DPF3: variants seen among roughly 807,000 people sequenced by gnomAD.
DPF3 encodes double PHD fingers 3.
A neutral mutation model predicts 56.8 loss-of-function variants in DPF3; 18 were observed. That is an observed-to-expected ratio of 0.32 (90% CI 0.22 to 0.47). The LOEUF is 0.47. Among genes scored for constraint, DPF3 ranks in the 20% least tolerant of loss-of-function variants. The pLI, the probability that DPF3 is intolerant of heterozygous loss-of-function variation, is 1.00. For synonymous variants in DPF3, 188 were observed against 180.2 expected, an observed-to-expected ratio of 1.04 and a Z score of -0.35; for missense variants, 403 against 488.8, an observed-to-expected ratio of 0.82 and a Z score of 1.65.
intron 1 of DPF3, among the ~76,000 whole-genome samples, chr14:72,782,453 G>T (rs993885223): frequency 6.6e-6 from 1 of 152,104 alleles, no homozygotes; most frequent in Non-Finnish European, 1.5e-5. Flanking sequence ...TGGAACTCCG[G>T]GGCTCAAGCA....
At chr14:72,697,542 G>A (rs1388317502) in intron 6 of DPF3, among the ~76,000 whole-genome samples, 1 of 152,208 alleles carries the variant, frequency 6.6e-6, no homozygotes, top group East Asian at 1.9e-4. Context: ...AGTTGAAGAG[G>A]TGGAGCGGTG....
rs148565932 is a variant in DPF3, at chr14:72,737,227, A to G, written c.302-5293T>C. Among the ~76,000 whole-genome samples the G allele has an allele frequency of 5.6e-3, 846 of 152,040 alleles. 10 individuals are homozygous for G. Among genetic ancestry groups the G allele is most frequent in the African/African-American group, 0.02 (814 of 41,498 alleles). On this transcript the variant is annotated intron_variant, in intron 3 of 10. Coordinates refer to ENST00000556509, the MANE Select transcript of DPF3 (RefSeq NM_001280542.3). ...CAAACAAACAAAAAAAACCACACAC[A>G]CACACAGAAATTTCCAGCAAAGAGC...
chr14:72,747,166 A>G (rs1189978719), intron 3 of DPF3, among the ~76,000 whole-genome samples: 2 of 152,100 alleles, frequency 1.3e-5, no homozygotes, highest in Admixed American at 1.3e-4. Flanking sequence ...TGGGCTCACA[A>G]CCCTCTTACC....
At chr14:72,859,163 A>G (rs1599501289) in intron 1 of DPF3, among the ~76,000 whole-genome samples, 1 of 152,174 alleles carries the variant, frequency 6.6e-6, no homozygotes, top group South Asian at 2.1e-4. Flanking sequence ...AGTAATCTCT[A>G]GTGTGAGAGG....
chr14:72,876,628 G>A (rs1886126402), intron 1 of DPF3, among the ~76,000 whole-genome samples: 1 of 152,102 alleles, frequency 6.6e-6, no homozygotes. Context: ...GAAAGGAAGG[G>A]TGTCCCCAAA....
At chr14:72,788,360 G>A (rs751809892) in intron 1 of DPF3, among the ~76,000 whole-genome samples, 7 of 152,116 alleles carry the variant, frequency 4.6e-5, no homozygotes, top group Non-Finnish European at 8.8e-5. Flanking sequence ...GGTCTGTGGG[G>A]AGGAGGGCCG....
chr14:72,676,806 T>C (rs572644763), intron 7 of DPF3, among the ~76,000 whole-genome samples: 1 of 152,304 alleles, frequency 6.6e-6, no homozygotes, highest in Admixed American at 6.5e-5. Flanking sequence ...TCTCTTTGTC[T>C]TTATAAATCA....
chr14:72,680,501 G>A (rs1031233026), intron 7 of DPF3, among the ~76,000 whole-genome samples: 1 of 152,244 alleles, frequency 6.6e-6, no homozygotes, highest in Non-Finnish European at 1.5e-5. Context: ...CAGAGCCCTC[G>A]ACGGCAGAGA....
chr14:72,635,483 T>C (rs11848135), intron 8 of DPF3, among the ~76,000 whole-genome samples: 6,828 of 152,234 alleles, frequency 0.045, 536 homozygotes, highest in African/African-American at 0.16. Context: ...CAGATAAATA[T>C]CCAGGCAAAA....
chr14:72,766,139 T>C (rs1053140788), intron 2 of DPF3, among the ~76,000 whole-genome samples: 1 of 152,226 alleles, frequency 6.6e-6, no homozygotes, highest in Non-Finnish European at 1.5e-5. Context: ...GCTGGACACA[T>C]TAAGTATGTG....
chr14:72,884,971 T>TATATATATATACATATATA (rs10523148), intron 1 of DPF3, among the ~76,000 whole-genome samples: 1 of 111,686 alleles, frequency 9.0e-6, no homozygotes, highest in South Asian at 3.0e-4. Flanking sequence ...TATATATATA[T>TATATATATATACATATATA]TAGCCGGGCG....
chr14:72,655,515 T>C (rs1348772818), intron 8 of DPF3, among the ~76,000 whole-genome samples: 1 of 152,234 alleles, frequency 6.6e-6, no homozygotes, highest in Non-Finnish European at 1.5e-5. Flanking sequence ...GGAATTCAGA[T>C]GGAGTTTCAG....
chr14:72,730,164 G>C (rs562381759), intron 4 of DPF3, among the ~76,000 whole-genome samples: 27 of 152,174 alleles, frequency 1.8e-4, no homozygotes, highest in African/African-American at 6.5e-4. Context: ...CAAAAGATGA[G>C]AGCAGCTTGG....
intron 3 of DPF3, among the ~76,000 whole-genome samples, chr14:72,737,266 C>T (rs1489854816): frequency 1.3e-5 from 2 of 152,004 alleles, no homozygotes; most frequent in African/African-American, 2.4e-5. Flanking sequence ...GGCTTCTTCT[C>T]TTTAGGGCTA....
At chr14:72,723,003 TTCTTTTTTTTTTTATAG>T (rs1175182716) in intron 5 of DPF3, among the ~76,000 whole-genome samples, 2 of 151,460 alleles carry the variant, frequency 1.3e-5, no homozygotes, top group Non-Finnish European at 2.9e-5. Context: ...CCCGGCAAAC[TTCTTTTTTTTTTTATAG>T]TCATGATTAT....
intron 1 of DPF3, among the ~76,000 whole-genome samples, chr14:72,811,905 T>C (rs1883062702): frequency 6.6e-6 from 1 of 152,020 alleles, no homozygotes; most frequent in Non-Finnish European, 1.5e-5. Context: ...CACCCAGCCC[T>C]GGAGCGGCAG....
At chr14:72,832,735 C>G (rs1356302883) in intron 1 of DPF3, among the ~76,000 whole-genome samples, 2 of 152,144 alleles carry the variant, frequency 1.3e-5, no homozygotes, top group Non-Finnish European at 2.9e-5. Context: ...TAATCAAAAT[C>G]CACATCCAAC....
intron 1 of DPF3, among the ~76,000 whole-genome samples, chr14:72,878,780 T>A (rs944575898): frequency 6.6e-6 from 1 of 152,166 alleles, no homozygotes; most frequent in Admixed American, 6.5e-5. Flanking sequence ...AAGCCAAGCT[T>A]TTTAAAGTGA....
chr14:72,757,226 C>A (rs1344495082), intron 2 of DPF3, among the ~76,000 whole-genome samples: 1 of 152,094 alleles, frequency 6.6e-6, no homozygotes, highest in Non-Finnish European at 1.5e-5. Flanking sequence ...GCAGTTCAAG[C>A]CCCCCAGGGA....
Sources: allele counts gnomAD v4.1 joint callset (sites outside exome capture counted in the v4.1 genomes callset), GRCh38; gene constraint gnomAD v4.1.1; transcripts MANE v1.5; gene names NCBI Gene and HGNC (gene_info 2026-07-23, HGNC 2026-07-21).